The following NLGN1 variants were observed in gnomAD, a reference collection of about 807,000 sequenced individuals.
The protein encoded by NLGN1 is neuroligin-1.
Under a neutral mutation model 65.5 loss-of-function variants are expected in NLGN1, and 12 were observed. That is an observed-to-expected ratio of 0.18 (90% CI 0.12 to 0.30). NLGN1 has a LOEUF of 0.30. NLGN1 is among the 10% of genes least tolerant of loss of function. The pLI is 1.00. For missense variants in NLGN1, 750 were observed against 1,007.1 expected, an observed-to-expected ratio of 0.74 and a Z score of 3.46; for synonymous variants, 350 against 359.5, an observed-to-expected ratio of 0.97 and a Z score of 0.30.
Position 174,246,743 on chromosome 3 carries a change from ATTT to A in NLGN1, c.647-28563_647-28561del, listed in dbSNP as rs35025251. ...TCCTAATTCCATTTTTAATAAAGCT[ATTT>A]TTTTTTTTGAAGCTTAGAGGAAATA... On this transcript the variant is annotated intron_variant, in intron 4 of 6. Coordinates refer to ENST00000457714, the Ensembl canonical transcript of NLGN1. Among the ~76,000 whole-genome samples the A allele has an allele frequency of 3.0e-3, 453 of 150,372 alleles. 1 individual carries two copies. Among genetic ancestry groups the A allele is most frequent in the African/African-American group, 0.01 (429 of 41,060 alleles).
At chr3:174,189,365 A>C (rs1038278459) in intron 4 of NLGN1, among the ~76,000 whole-genome samples, 5 of 151,982 alleles carry the variant, frequency 3.3e-5, no homozygotes, top group Non-Finnish European at 7.4e-5. Context: ...TCAACATCTT[A>C]AGTTACTCAT....
intron 4 of NLGN1, among the ~76,000 whole-genome samples, chr3:173,841,157 A>G (rs1249548004): frequency 1.3e-5 from 2 of 151,770 alleles, no homozygotes; most frequent in East Asian, 3.9e-4. Flanking sequence ...TTATATATAT[A>G]TATATCCCAA....
At chr3:174,215,925 C>T (rs1176694910) in intron 4 of NLGN1, among the ~76,000 whole-genome samples, 2 of 152,074 alleles carry the variant, frequency 1.3e-5, no homozygotes, top group East Asian at 3.9e-4. Flanking sequence ...CCTAAACCTC[C>T]TCTCCCCACA....
intron 2 of NLGN1, among the ~76,000 whole-genome samples, chr3:173,523,989 C>T (rs1361876638): frequency 6.9e-6 from 1 of 145,710 alleles, no homozygotes; most frequent in Admixed American, 6.9e-5. Flanking sequence ...GGCACGATCT[C>T]GGCTCACTGC....
chr3:173,504,091 C>T (rs556243459), intron 2 of NLGN1, among the ~76,000 whole-genome samples: 1 of 151,986 alleles, frequency 6.6e-6, no homozygotes, highest in South Asian at 2.1e-4. Flanking sequence ...ATGTAATCAA[C>T]TTTAGTTATG....
intron 3 of NLGN1, among the ~76,000 whole-genome samples, chr3:173,611,354 A>C (rs1752260916): frequency 6.6e-6 from 1 of 152,058 alleles, no homozygotes; most frequent in South Asian, 2.1e-4. Context: ...GTTGTTGGCC[A>C]ACTGTTTCCT....
Position 173,536,709 on chromosome 3 carries a change from C to G in NLGN1, c.-320-67570C>G, listed in dbSNP as rs184186174. On this transcript the variant is annotated intron_variant, in intron 2 of 6. Transcript: ENST00000457714. ...AGCTGTCTTTTCATGATGTATTAGT[C>G]AGGACTCTCCAGATAATCAAAGCCA... Among the ~76,000 whole-genome samples the G allele has an allele frequency of 7.9e-5, 12 of 152,234 alleles. No homozygotes were observed. The East Asian group carries it at 1.9e-3, about 25-fold the overall frequency.
chr3:173,997,978 C>T (rs915058593), intron 4 of NLGN1, among the ~76,000 whole-genome samples: 1 of 152,092 alleles, frequency 6.6e-6, no homozygotes, highest in Admixed American at 6.6e-5. Flanking sequence ...ATTGTCAGTA[C>T]ACTGGGCAAC....
intron 4 of NLGN1, among the ~76,000 whole-genome samples, chr3:173,952,137 C>T (rs1053321139): frequency 2.6e-5 from 4 of 152,124 alleles, no homozygotes; most frequent in African/African-American, 9.7e-5. Flanking sequence ...TATATACTTC[C>T]GACATAGCAA....
At chr3:174,017,277 A>G (rs1387562462) in intron 4 of NLGN1, among the ~76,000 whole-genome samples, 2 of 152,124 alleles carry the variant, frequency 1.3e-5, no homozygotes, top group Non-Finnish European at 2.9e-5. Context: ...ATTCTTCATT[A>G]TTGTGTAGGA....
intron 4 of NLGN1, among the ~76,000 whole-genome samples, chr3:173,820,054 C>T (rs1280390383): frequency 2.0e-5 from 3 of 152,112 alleles, no homozygotes; most frequent in Non-Finnish European, 4.4e-5. Flanking sequence ...GTGGCTGCGC[C>T]TGTAGTCCCA....
intron 3 of NLGN1, among the ~76,000 whole-genome samples, chr3:173,744,630 G>A (rs916107475): frequency 6.6e-6 from 1 of 152,076 alleles, no homozygotes; most frequent in Non-Finnish European, 1.5e-5. Flanking sequence ...TACCACCACC[G>A]TTAGAAAGCA....
chr3:173,701,940 T>C (rs1216458756), intron 3 of NLGN1, among the ~76,000 whole-genome samples: 1 of 152,194 alleles, frequency 6.6e-6, no homozygotes, highest in Non-Finnish European at 1.5e-5. Context: ...ACAAAAGTCA[T>C]GTTTAAGAAG....
intron 4 of NLGN1, among the ~76,000 whole-genome samples, chr3:174,219,521 A>G (rs933797427): frequency 5.9e-5 from 9 of 152,170 alleles, no homozygotes; most frequent in Non-Finnish European, 1.3e-4. Context: ...AATGAGGCCT[A>G]GAACTCTGAG....
intron 4 of NLGN1, among the ~76,000 whole-genome samples, chr3:173,946,810 T>C (rs1170932125): frequency 6.6e-6 from 1 of 152,184 alleles, no homozygotes; most frequent in African/African-American, 2.4e-5. Context: ...TTTCTTTAAT[T>C]TACACTGGCG....
At chr3:173,615,964 G>A (rs193241663) in intron 3 of NLGN1, among the ~76,000 whole-genome samples, 107 of 152,124 alleles carry the variant, frequency 7.0e-4, no homozygotes, top group African/African-American at 2.5e-3. Context: ...ATAAAAAAAG[G>A]CATTAAAGAG....
intron 3 of NLGN1, among the ~76,000 whole-genome samples, chr3:173,747,900 A>C (rs1775753212): frequency 7.8e-6 from 1 of 127,822 alleles, no homozygotes; most frequent in African/African-American, 3.0e-5. Context: ...TGGAACCTCC[A>C]CCACCTGGGT....
chr3:174,072,530 C>A (rs1740117992), intron 4 of NLGN1, among the ~76,000 whole-genome samples: 1 of 152,104 alleles, frequency 6.6e-6, no homozygotes, highest in Non-Finnish European at 1.5e-5. Flanking sequence ...TGGGGCACAT[C>A]AAGGATACTG....
intron 4 of NLGN1, among the ~76,000 whole-genome samples, chr3:173,902,387 A>G (rs1737536385): frequency 6.6e-6 from 1 of 152,116 alleles, no homozygotes; most frequent in South Asian, 2.1e-4. Flanking sequence ...TATGTTTGAA[A>G]CAGAAAATAT....
Sources: allele counts gnomAD v4.1 joint callset (sites outside exome capture counted in the v4.1 genomes callset), GRCh38; gene constraint gnomAD v4.1.1; transcripts MANE v1.5; gene names NCBI Gene and HGNC (gene_info 2026-07-23, HGNC 2026-07-21).